Variants in RYR3 observed in about 807,000 individuals in gnomAD.
The protein encoded by RYR3 is ryanodine receptor 3.
RYR3 carries 207 observed loss-of-function variants against 584.3 expected under a neutral mutation model. The observed-to-expected ratio is 0.35, with a 90% CI of 0.32 to 0.40. RYR3 has a LOEUF of 0.40. Ranked by LOEUF, RYR3 falls within the 10% of genes least tolerant of loss-of-function variation. The pLI, the probability that RYR3 is intolerant of heterozygous loss-of-function variation, is 1.00. For missense variants in RYR3, 5,616 were observed against 6,089.2 expected (o/e 0.92, Z 2.59); for synonymous variants, 2,416 against 2,248.5 (o/e 1.07, Z -2.11).
intron 32 of RYR3, among the ~76,000 whole-genome samples, chr15:33,658,012 AAAG>A (rs1401718465): frequency 6.6e-6 from 1 of 152,250 alleles, no homozygotes; most frequent in African/African-American, 2.4e-5. Flanking sequence ...GCTTTGACAA[AAAG>A]AAAACTCACT....
chr15:33,533,538 T>G, intron 5 of RYR3, 149 bp downstream of exon 5: 1 of 588,886 alleles, frequency 1.7e-6, no homozygotes. Context: ...AATAATGAAC[T>G]AGAGAAAGAA....
intron 1 of RYR3, among the ~76,000 whole-genome samples, chr15:33,436,510 T>C (rs925902502): frequency 7.3e-5 from 11 of 151,256 alleles, no homozygotes; most frequent in South Asian, 2.1e-4. Flanking sequence ...TCTTTTTTTT[T>C]TTTTTTTTGA....
At chr15:33,746,219 A>T in intron 53 of RYR3, 62 bp downstream of exon 53, 1 of 1,157,690 alleles carries the variant, frequency 8.6e-7, no homozygotes, top group Non-Finnish European at 1.3e-6. Flanking sequence ...GAGTGATTTT[A>T]TCAGAGGAGT....
intron 2 of RYR3, among the ~76,000 whole-genome samples, chr15:33,494,777 T>A (rs999407386): frequency 2.6e-5 from 4 of 152,228 alleles, no homozygotes; most frequent in Non-Finnish European, 4.4e-5. Flanking sequence ...GTGAATAGCT[T>A]CTATAGTTTT....
At chr15:33,838,981 A>G (rs764371104) in intron 89 of RYR3, 23 bp downstream of exon 89, 1 of 1,583,850 alleles carries the variant, frequency 6.3e-7, no homozygotes, top group East Asian at 2.2e-5. Flanking sequence ...TGTTTCTTTC[A>G]TCTTCCTTTA....
intron 2 of RYR3, among the ~76,000 whole-genome samples, chr15:33,478,442 G>A (rs2142303325): frequency 6.6e-6 from 1 of 152,276 alleles, no homozygotes; most frequent in East Asian, 1.9e-4. Context: ...CACAAAGGCA[G>A]CCCCAGCTAC....
chr15:33,768,268 C>T (rs1189105730), intron 60 of RYR3, among the ~76,000 whole-genome samples: 1 of 152,238 alleles, frequency 6.6e-6, no homozygotes, highest in Non-Finnish European at 1.5e-5. Context: ...GGTTTGCAAT[C>T]CATTGCAACA....
chr15:33,698,029 G>A (rs764631284), intron 40 of RYR3, 33 bp downstream of exon 40: 149 of 1,465,448 alleles, frequency 1.0e-4, no homozygotes, highest in Non-Finnish European at 6.3e-5. Flanking sequence ...GCCAGAACTT[G>A]TCCCTTGAGG....
chr15:33,405,347 A>G (rs1415014555), intron 1 of RYR3, among the ~76,000 whole-genome samples: 1 of 152,060 alleles, frequency 6.6e-6, no homozygotes, highest in Non-Finnish European at 1.5e-5. Context: ...GACCTTATAA[A>G]CTGTCCTGTG....
At position 33,729,025 on chromosome 15, in the gene RYR3, C is replaced by T. The variant is rs2068703253; in HGVS notation, c.7202C>T (p.Thr2401Ile). 1 of 1,609,700 alleles carries T rather than the reference C, an allele frequency of 6.2e-7. No homozygotes were observed. The highest frequency in any genetic ancestry group is 8.5e-7 in the Non-Finnish European group (1 of 1,178,698). ...CTAAGAGCTTCTGCCTCTCTAGATA[C>T]AGTAAGTTGCAAAAATAACAAAAAA... The part of the protein sequence containing the change: ...PDLRASASLD[T>I]VSLSTTEAAL... Residue 2401 changes from threonine to isoleucine, a missense_variant and splice_region_variant, in exon 47 of 104, where the codon ACA becomes ATA. Around this residue, in one of 9 missense-constraint regions of RYR3, gnomAD observed 1,280 missense variants for 1,426.2 expected, o/e 0.90. Transcript: ENST00000634891.
intron 14 of RYR3, 64 bp downstream of exon 14, chr15:33,581,707 A>G: frequency 6.9e-7 from 1 of 1,441,680 alleles, no homozygotes; most frequent in Middle Eastern, 1.8e-4. Context: ...GTGCAATCCC[A>G]AGATTGTCTT....
At position 33,633,030 on chromosome 15, in the gene RYR3, G is replaced by T; in HGVS notation, c.2949G>T (p.Val983=). 6.2e-7 allele frequency: 1 copy of T among 1,613,992 alleles called. No homozygotes were observed. Among genetic ancestry groups the T allele is most frequent in the Non-Finnish European group, 8.5e-7 (1 of 1,179,884 alleles). Residue 983 remains valine (V), a synonymous_variant, in exon 24 of 104, where the codon GTG becomes GTT. Coordinates refer to ENST00000634891, the MANE Select transcript of RYR3 (RefSeq NM_001036.6). ...TGTTACCTCCTCAAGAAATTTTAGT[G>T]GATAAGCTTGCAGAAAATGCACACA... ...VKLLPPQEIL[V]DKLAENAHNV... is the part of the protein sequence containing the mutation.
intron 3 of RYR3, among the ~76,000 whole-genome samples, chr15:33,523,327 C>A (rs887558017): frequency 1.3e-5 from 2 of 152,168 alleles, no homozygotes; most frequent in East Asian, 3.9e-4. Flanking sequence ...GTAAATCTTG[C>A]TGCTGCTCAC....
At chr15:33,739,314 C>T (rs1327551009) in intron 50 of RYR3, among the ~76,000 whole-genome samples, 1 of 152,186 alleles carries the variant, frequency 6.6e-6, no homozygotes, top group Non-Finnish European at 1.5e-5. Context: ...ATCAAAAGCT[C>T]TTCCCAACCC....
rs1246228686 is a variant in RYR3, at chr15:33,311,417, G to A, written c.51+321G>A. ...GATGCCCAAACTTCAGCCGGGGTTTGTTCGCGGTTGTCCTGACCCATAAGA... is the reference window on the plus strand; with the variant it reads ...GATGCCCAAACTTCAGCCGGGGTTTATTCGCGGTTGTCCTGACCCATAAGA... On this transcript the variant is annotated intron_variant, in intron 1 of 103. Coordinates refer to ENST00000634891, the MANE Select transcript of RYR3 (RefSeq NM_001036.6). This position sits in a 1 kb window ranked among gnomAD's most constrained non-coding sequence, Gnocchi z 4.4. 2.0e-5 allele frequency among the ~76,000 whole-genome samples: 3 copies of A among 152,234 alleles called. No homozygotes were observed. The East Asian group carries it at 5.8e-4, about 29-fold the overall frequency.
At chr15:33,436,144 T>C (rs1432366012) in intron 1 of RYR3, among the ~76,000 whole-genome samples, 12 of 152,222 alleles carry the variant, frequency 7.9e-5, no homozygotes, top group Non-Finnish European at 1.8e-4. Context: ...GCAAGTTATA[T>C]TTCAAGGTTG....
chr15:33,388,048 A>G (rs1403421617), intron 1 of RYR3, among the ~76,000 whole-genome samples: 1 of 152,238 alleles, frequency 6.6e-6, no homozygotes, highest in African/African-American at 2.4e-5. Context: ...ATCTACAGAG[A>G]AAACACAGTT....
chr15:33,476,005 A>G (rs887269341), intron 2 of RYR3, among the ~76,000 whole-genome samples: 1 of 152,230 alleles, frequency 6.6e-6, no homozygotes, highest in Admixed American at 6.5e-5. Context: ...CAGTACACTT[A>G]ACAGCTAGAG....
At chr15:33,328,755 C>G (rs1970038707) in intron 1 of RYR3, among the ~76,000 whole-genome samples, 1 of 152,136 alleles carries the variant, frequency 6.6e-6, no homozygotes. Context: ...AAGCCCAGAC[C>G]TCGCATTTAT....
Sources: allele counts gnomAD v4.1 joint callset (sites outside exome capture counted in the v4.1 genomes callset), GRCh38; gene constraint gnomAD v4.1.1; regional missense constraint gnomAD v4.1.1; non-coding constraint Gnocchi (gnomAD v3.1); transcripts MANE v1.5; gene names NCBI Gene and HGNC (gene_info 2026-07-23, HGNC 2026-07-21).